Variants in ANO6 observed in about 807,000 individuals in gnomAD.
The protein encoded by ANO6 is anoctamin-6.
Under a neutral mutation model 117.5 loss-of-function variants are expected in ANO6, and 106 were observed. The ratio of observed to expected loss-of-function variants is 0.90; its 90% confidence interval spans 0.77 to 1.06. The LOEUF is 1.06. Among genes scored for constraint, ANO6 ranks in the 50% least tolerant of loss-of-function variants. The pLI, the probability that ANO6 is intolerant of heterozygous loss-of-function variation, is 0.00. For synonymous variants in ANO6, 367 were observed against 385.1 expected (o/e 0.95, Z 0.55); for missense variants, 955 against 1,121.1 (o/e 0.85, Z 2.12).
At chr12:45,426,321 T>C (rs1192403525) in intron 19 of ANO6, among the ~76,000 whole-genome samples, 1 of 152,230 alleles carries the variant, frequency 6.6e-6, no homozygotes, top group Non-Finnish European at 1.5e-5. Flanking sequence ...TCAACCTTTG[T>C]CGCTTTACTA....
intron 16 of ANO6, among the ~76,000 whole-genome samples, chr12:45,411,558 G>A (rs535083063): frequency 3.3e-5 from 5 of 152,210 alleles, no homozygotes; most frequent in African/African-American, 7.2e-5. Flanking sequence ...AGTGCCTTTG[G>A]TATTGGTCTC....
intron 2 of ANO6, among the ~76,000 whole-genome samples, chr12:45,321,777 C>T (rs1251139061): frequency 5.9e-5 from 9 of 152,142 alleles, no homozygotes; most frequent in Non-Finnish European, 1.0e-4. Flanking sequence ...CTCAAAAATC[C>T]TGCAATCCCT....
intron 3 of ANO6, among the ~76,000 whole-genome samples, chr12:45,342,326 A>G (rs1397597717): frequency 6.6e-6 from 1 of 152,178 alleles, no homozygotes; most frequent in Non-Finnish European, 1.5e-5. Flanking sequence ...CAGCTGATAC[A>G]ACCAAGACAG....
rs562756615 is a variant in ANO6 at position 45,216,734 on chromosome 12, G to T, written c.70+343G>T. ...GGGTCACTTCCCCGACTCGCAGAGT[G>T]CTAGGGTTGCCCAGGAGCCTCGGCA... On this transcript the variant is annotated intron_variant, in intron 1 of 19. Coordinates refer to ENST00000320560, the MANE Select transcript of ANO6 (RefSeq NM_001025356.3). 3.3e-5 allele frequency among the ~76,000 whole-genome samples: 5 copies of T among 152,372 alleles called. No homozygotes were observed. The East Asian group carries it at 9.7e-4, about 29-fold the overall frequency.
chr12:45,227,789 G>GT (rs1472159500), intron 1 of ANO6, among the ~76,000 whole-genome samples: 2 of 152,172 alleles, frequency 1.3e-5, no homozygotes, highest in Admixed American at 6.5e-5. Flanking sequence ...CTCAACAAGT[G>GT]TAAGTGTCAG....
intron 19 of ANO6, among the ~76,000 whole-genome samples, chr12:45,426,733 G>A (rs750078654): frequency 6.6e-6 from 1 of 151,992 alleles, no homozygotes; most frequent in South Asian, 2.1e-4. Context: ...TCCACCTCAG[G>A]TTCTATGCCA....
At chr12:45,392,603 G>A (rs530487134) in intron 12 of ANO6, among the ~76,000 whole-genome samples, 8 of 152,302 alleles carry the variant, frequency 5.3e-5, no homozygotes, top group East Asian at 3.9e-4. Flanking sequence ...ACTGGGGGCC[G>A]ACAGACACCT....
chr12:45,222,961 T>C (rs1415543968), intron 1 of ANO6, among the ~76,000 whole-genome samples: 1 of 152,236 alleles, frequency 6.6e-6, no homozygotes, highest in South Asian at 2.1e-4. Flanking sequence ...GAAGTCTCCA[T>C]AAAGGTCCAA....
intron 17 of ANO6, among the ~76,000 whole-genome samples, chr12:45,418,011 C>T (rs150038294): frequency 1.3e-5 from 2 of 152,310 alleles, no homozygotes; most frequent in East Asian, 3.9e-4. Context: ...AAGAATAGTA[C>T]ATACCAACCA....
At chr12:45,421,516 G>A (rs1047346102) in intron 18 of ANO6, among the ~76,000 whole-genome samples, 1 of 151,986 alleles carries the variant, frequency 6.6e-6, no homozygotes, top group South Asian at 2.1e-4. Flanking sequence ...GAAGACTAGG[G>A]GTAAAACTTT....
In ANO6 at chr12:45,432,238, G is replaced by A; in HGVS notation, c.*2927G>A. 1.0e-6 allele frequency: 1 copy of A among 973,788 alleles called. No homozygotes were observed. Among genetic ancestry groups the A allele is most frequent in the Middle Eastern group, 5.3e-4 (1 of 1,894 alleles). 60.3% of individuals were successfully genotyped at this position (973,788 alleles called of 1,614,324 possible). A position where few individuals can be genotyped will look rare whatever the true frequency, so the allele number is the denominator to read the frequency against. On this transcript the variant is annotated 3_prime_UTR_variant, in exon 20 of 20. Transcript: ENST00000320560. ...ATAAGATGTAAAGTTTGTAATTAAT[G>A]TTAATTTCTGTGCATTTTAATATTC...
At chr12:45,291,851 C>G (rs1234493924) in intron 1 of ANO6, among the ~76,000 whole-genome samples, 1 of 151,944 alleles carries the variant, frequency 6.6e-6, no homozygotes, top group African/African-American at 2.4e-5. Context: ...AAATTAGAAC[C>G]CTCATACATT....
intron 8 of ANO6, among the ~76,000 whole-genome samples, chr12:45,363,711 T>A (rs530842168): frequency 1.3e-5 from 2 of 152,316 alleles, no homozygotes; most frequent in African/African-American, 4.8e-5. Context: ...TGGGAGATAA[T>A]TGAATCATGT....
intron 2 of ANO6, among the ~76,000 whole-genome samples, chr12:45,314,986 T>C (rs1220153011): frequency 6.6e-6 from 1 of 151,706 alleles, no homozygotes; most frequent in African/African-American, 2.4e-5. Flanking sequence ...GAGCCTAGAG[T>C]TGATCTTGGG....
chr12:45,270,469 T>G (rs995430120), intron 1 of ANO6: 1 of 1,521,278 alleles, frequency 6.6e-7, no homozygotes, highest in Non-Finnish European at 8.8e-7. Context: ...CAGGTGATGT[T>G]CCTGCCTCCA....
Position 45,219,229 on chromosome 12 carries a change from A to G in ANO6, c.70+2838A>G, listed in dbSNP as rs58430029. ...ACTGGATGGGGTCCCTGATTATATCATAGAGATGCTTTATGTATGTATATG... is the reference window on the plus strand; with the variant it reads ...ACTGGATGGGGTCCCTGATTATATCGTAGAGATGCTTTATGTATGTATATG... On this transcript the variant is annotated intron_variant, in intron 1 of 19. Transcript: ENST00000320560. Among the ~76,000 whole-genome samples the G allele has an allele frequency of 6.2e-4, 95 of 152,290 alleles. 2 individuals carry two copies. The highest frequency in any genetic ancestry group is 4.3e-3 in the Admixed American group (65 of 15,292).
chr12:45,247,066 C>T (rs1032258187), intron 1 of ANO6, among the ~76,000 whole-genome samples: 1 of 152,190 alleles, frequency 6.6e-6, no homozygotes, highest in African/African-American at 2.4e-5. Context: ...GCTGGGACTA[C>T]AGACGTTCGC....
intron 1 of ANO6, among the ~76,000 whole-genome samples, chr12:45,226,939 A>G (rs1037702254): frequency 1.3e-5 from 2 of 151,136 alleles, no homozygotes; most frequent in African/African-American, 2.4e-5. Flanking sequence ...TGCATAAAAC[A>G]TAAGATATTC....
intron 2 of ANO6, among the ~76,000 whole-genome samples, chr12:45,308,296 A>AG (rs1213171286): frequency 2.0e-5 from 3 of 152,034 alleles, no homozygotes; most frequent in Admixed American, 6.6e-5. Context: ...CCATAGCTGT[A>AG]GGGACTGTTC....
Sources: gnomAD v4.1 joint callset for allele counts (sites outside exome capture counted in the v4.1 genomes callset) on GRCh38, gnomAD v4.1.1 for gene constraint, MANE v1.5 for transcripts, NCBI Gene and HGNC (gene_info 2026-07-23, HGNC 2026-07-21) for gene names.